The following GULP1 variants were observed in gnomAD, a reference collection of about 807,000 sequenced individuals.
GULP1 encodes the protein GULP PTB domain containing engulfment adaptor 1, also known as PTB domain-containing engulfment adapter protein 1.
GULP1 carries 19 observed loss-of-function variants against 40.9 expected under a neutral mutation model. The ratio of observed to expected loss-of-function variants is 0.46; its 90% CI spans 0.32 to 0.68. The LOEUF is 0.68. GULP1 is among the 30% of genes least tolerant of loss of function. GULP1 has a pLI of 0.03. For synonymous variants in GULP1, 119 were observed against 117.6 expected, an observed-to-expected ratio of 1.01 and a Z score of -0.08; for missense variants, 312 against 362.2, an observed-to-expected ratio of 0.86 and a Z score of 1.12.
intron 4 of GULP1, among the ~76,000 whole-genome samples, chr2:188,498,852 G>T (rs1177786389): frequency 1.3e-5 from 2 of 151,510 alleles, no homozygotes; most frequent in Non-Finnish European, 1.5e-5. Flanking sequence ...ATTATTATTT[G>T]TAAATTAAAT....
At chr2:188,461,691 G>A (rs566377532) in intron 2 of GULP1, among the ~76,000 whole-genome samples, 50 of 152,100 alleles carry the variant, frequency 3.3e-4, no homozygotes, top group African/African-American at 1.2e-3. Context: ...AATCTTGGTA[G>A]GTTGTATGTG....
At chr2:188,310,642 C>T (rs1357027915) in intron 1 of GULP1, among the ~76,000 whole-genome samples, 1 of 151,924 alleles carries the variant, frequency 6.6e-6, no homozygotes, top group Non-Finnish European at 1.5e-5. Flanking sequence ...TTGGATATAC[C>T]ATTTGGAAGT....
intron 8 of GULP1, chr2:188,569,666 C>T: frequency 2.7e-6 from 1 of 374,802 alleles, no homozygotes; most frequent in Non-Finnish European, 4.8e-6. Context: ...CCATGCAGAT[C>T]AGATTCCTTG....
intron 2 of GULP1, among the ~76,000 whole-genome samples, chr2:188,412,394 G>C (rs929094896): frequency 1.3e-4 from 20 of 152,168 alleles, no homozygotes; most frequent in African/African-American, 4.8e-4. Flanking sequence ...ATCCGCTTCA[G>C]TGACCCCAGC....
rs185652052 is a variant in GULP1, at chr2:188,569,343, G to A, written c.504G>A (p.Gly168=). 1.8e-5 allele frequency: 27 copies of A among 1,532,976 alleles called. No individual in the cohort carries two copies. The Admixed American group carries it at 3.7e-4, about 21-fold the overall frequency. 95.0% of individuals were successfully genotyped at this position (1,532,976 alleles called of 1,614,324 possible). ...KDVETRKQIA[G]LQKRIQDLET... is the part of the protein sequence containing the mutation. ...TTGAAACAAGAAAACAGATCGCAGG[G>A]TTACAAAAAAGAGTGAGTAAACTAA... Residue 168 remains glycine (G), a synonymous_variant, in exon 8 of 12, where the codon GGG becomes GGA. Coordinates refer to ENST00000409830, the MANE Select transcript of GULP1 (RefSeq NM_016315.4).
In GULP1 at chr2:188,549,748, G is replaced by T. The variant is rs145766661; in HGVS notation, c.399+8430G>T. 9.2e-3 allele frequency among the ~76,000 whole-genome samples: 1,400 copies of T among 151,800 alleles called. 31 individuals are homozygous for T. The highest frequency in any genetic ancestry group is 0.032 in the African/African-American group (1,315 of 41,490). On this transcript the variant is annotated intron_variant, in intron 7 of 11. Transcript: ENST00000409830. ...AATCCATCCAGAAAATGTGTGAAGG[G>T]ACATTACTTAGCAATAAAAAGGCAT...
intron 6 of GULP1, among the ~76,000 whole-genome samples, chr2:188,529,549 T>C (rs567212676): frequency 9.2e-5 from 14 of 152,330 alleles, no homozygotes; most frequent in Admixed American, 2.0e-4. Flanking sequence ...TATTCTGCAT[T>C]GACTTTTATT....
chr2:188,431,522 G>A (rs892507590), intron 2 of GULP1, among the ~76,000 whole-genome samples: 2 of 152,072 alleles, frequency 1.3e-5, no homozygotes, highest in African/African-American at 2.4e-5. Flanking sequence ...TTCACGAAGA[G>A]TAATTGTAAA....
At chr2:188,546,345 T>G (rs765152051) in intron 7 of GULP1, among the ~76,000 whole-genome samples, 5 of 151,928 alleles carry the variant, frequency 3.3e-5, no homozygotes, top group Admixed American at 3.3e-4. Flanking sequence ...TCTTGAAAAT[T>G]TAAAAGAATT....
At chr2:188,484,099 G>C (rs570373730) in intron 4 of GULP1, among the ~76,000 whole-genome samples, 115 of 152,032 alleles carry the variant, frequency 7.6e-4, no homozygotes, top group African/African-American at 2.7e-3. Flanking sequence ...GAAGAGACGG[G>C]GTTTCACCGT....
intron 5 of GULP1, 191 bp downstream of exon 5, chr2:188,523,018 A>C: frequency 2.1e-6 from 1 of 478,484 alleles, no homozygotes; most frequent in Non-Finnish European, 3.9e-6. Flanking sequence ...AATTGTGTTT[A>C]AAATATGGCA....
chr2:188,427,003 G>T (rs1056669012), intron 2 of GULP1, among the ~76,000 whole-genome samples: 1 of 152,168 alleles, frequency 6.6e-6, no homozygotes, highest in Non-Finnish European at 1.5e-5. Context: ...CTGGAGCAAA[G>T]GTCACTTTTG....
chr2:188,389,437 A>G (rs2050218741), intron 2 of GULP1, among the ~76,000 whole-genome samples: 1 of 152,212 alleles, frequency 6.6e-6, no homozygotes, highest in South Asian at 2.1e-4. Context: ...ATTCATTACC[A>G]CAATGTATAT....
At chr2:188,398,897 A>AT (rs1256922884) in intron 2 of GULP1, among the ~76,000 whole-genome samples, 3 of 152,230 alleles carry the variant, frequency 2.0e-5, no homozygotes, top group Admixed American at 6.5e-5. Context: ...TTGCATTAAT[A>AT]TCTACAATGC....
chr2:188,535,044 G>A (rs1384961509), intron 6 of GULP1, among the ~76,000 whole-genome samples: 1 of 150,550 alleles, frequency 6.6e-6, no homozygotes, highest in African/African-American at 2.4e-5. Flanking sequence ...TATTCAATTA[G>A]TGTTTAATAT....
intron 7 of GULP1, among the ~76,000 whole-genome samples, chr2:188,566,768 C>A (rs1316107099): frequency 1.6e-5 from 2 of 127,018 alleles, no homozygotes; most frequent in Non-Finnish European, 3.1e-5. Context: ...GCACTCCAGC[C>A]TGGGTAGCTG....
intron 1 of GULP1, among the ~76,000 whole-genome samples, chr2:188,373,778 T>G (rs1191816037): frequency 6.6e-6 from 1 of 152,012 alleles, no homozygotes; most frequent in Non-Finnish European, 1.5e-5. Context: ...CAGTGATTTC[T>G]TCATTTGCTT....
At chr2:188,534,794 T>G (rs931936761) in intron 6 of GULP1, among the ~76,000 whole-genome samples, 1 of 152,064 alleles carries the variant, frequency 6.6e-6, no homozygotes, top group Non-Finnish European at 1.5e-5. Context: ...GACAACCTAT[T>G]ATATAATTCT....
At chr2:188,465,820 C>G (rs1337627654) in intron 2 of GULP1, among the ~76,000 whole-genome samples, 1 of 152,022 alleles carries the variant, frequency 6.6e-6, no homozygotes, top group African/African-American at 2.4e-5. Flanking sequence ...CCTCTCTGAG[C>G]AGGGTTGCCT....
Sources: allele counts gnomAD v4.1 joint callset (sites outside exome capture counted in the v4.1 genomes callset), GRCh38; gene constraint gnomAD v4.1.1; transcripts MANE v1.5; gene names NCBI Gene and HGNC (gene_info 2026-07-23, HGNC 2026-07-21).